ADGRB3: variants seen among roughly 807,000 people sequenced by gnomAD.
ADGRB3 encodes the protein brain-specific angiogenesis inhibitor 3.
ADGRB3 carries 37 observed loss-of-function variants against 193.4 expected under a neutral mutation model. The ratio of observed to expected loss-of-function variants is 0.19; its 90% CI spans 0.15 to 0.25. The LOEUF is 0.25. Among genes scored for constraint, ADGRB3 ranks in the 10% least tolerant of loss-of-function variants. The pLI is 1.00. For synonymous variants in ADGRB3, 690 were observed against 644.2 expected (o/e 1.07, Z -1.08); for missense variants, 1,637 against 1,852.9 (o/e 0.88, Z 2.14).
Position 68,640,925 on chromosome 6 carries a change from G to A in ADGRB3, c.757+1493G>A, listed in dbSNP as rs1327223846. On this transcript the variant is annotated intron_variant, in intron 3 of 31. Transcript: ENST00000370598. ...AGGTCAGTGTTTCACTATCAGCTGTGACTGAAGAAAACAAAGTGGTTTTAA... is the reference window on the plus strand; with the variant it reads ...AGGTCAGTGTTTCACTATCAGCTGTAACTGAAGAAAACAAAGTGGTTTTAA... 2.6e-5 allele frequency among the ~76,000 whole-genome samples: 4 copies of A among 152,194 alleles called. No homozygotes were observed. The East Asian group carries it at 7.7e-4, about 29-fold the overall frequency.
At chr6:68,872,513 A>C (rs1765488642) in intron 3 of ADGRB3, among the ~76,000 whole-genome samples, 1 of 152,146 alleles carries the variant, frequency 6.6e-6, no homozygotes, top group East Asian at 1.9e-4. Flanking sequence ...TAATTTTTAA[A>C]ATGTTTCATC....
At chr6:68,913,803 T>C (rs927403225) in intron 3 of ADGRB3, among the ~76,000 whole-genome samples, 5 of 152,032 alleles carry the variant, frequency 3.3e-5, no homozygotes, top group African/African-American at 1.2e-4. Flanking sequence ...GAAAAAAAAT[T>C]AGGTGAATGT....
chr6:69,379,870 C>T (rs1769909140), intron 30 of ADGRB3, among the ~76,000 whole-genome samples: 1 of 151,990 alleles, frequency 6.6e-6, no homozygotes, highest in African/African-American at 2.4e-5. Context: ...CCCCATATTT[C>T]AGCATACAAA....
intron 3 of ADGRB3, among the ~76,000 whole-genome samples, chr6:68,664,530 C>T (rs1013238935): frequency 4.0e-5 from 6 of 151,836 alleles, no homozygotes; most frequent in African/African-American, 1.2e-4. Flanking sequence ...CTCACCAGAA[C>T]CTGACTATGC....
At chr6:69,109,495 AG>A (rs1773307587) in intron 17 of ADGRB3, among the ~76,000 whole-genome samples, 1 of 152,234 alleles carries the variant, frequency 6.6e-6, no homozygotes, top group African/African-American at 2.4e-5. Flanking sequence ...ACTGATTACT[AG>A]AAAACATGCC....
chr6:69,097,733 T>C (rs1003750031), intron 17 of ADGRB3, among the ~76,000 whole-genome samples: 9 of 152,064 alleles, frequency 5.9e-5, no homozygotes, highest in African/African-American at 2.2e-4. Context: ...GCTATATGGC[T>C]GCTGCAGACA....
At chr6:68,807,680 A>G (rs909634008) in intron 3 of ADGRB3, among the ~76,000 whole-genome samples, 4 of 152,282 alleles carry the variant, frequency 2.6e-5, no homozygotes, top group African/African-American at 7.2e-5. Flanking sequence ...TAGCTTACAG[A>G]TATACTTATT....
At chr6:69,077,572 G>GA (rs1772268561) in intron 17 of ADGRB3, among the ~76,000 whole-genome samples, 1 of 151,826 alleles carries the variant, frequency 6.6e-6, no homozygotes, top group African/African-American at 2.4e-5. Flanking sequence ...TCCTTATTTT[G>GA]TGCCTCCTGT....
intron 3 of ADGRB3, among the ~76,000 whole-genome samples, chr6:68,755,263 T>A (rs1434370116): frequency 6.6e-6 from 1 of 152,114 alleles, no homozygotes; most frequent in African/African-American, 2.4e-5. Context: ...GCTAGGCAAG[T>A]AAAACAGCAA....
intron 8 of ADGRB3, among the ~76,000 whole-genome samples, chr6:68,960,384 A>G (rs891356024): frequency 6.6e-6 from 1 of 152,164 alleles, no homozygotes; most frequent in Non-Finnish European, 1.5e-5. Flanking sequence ...ATGTTTATCT[A>G]TAAATATTCA....
chr6:68,983,974 T>A (rs1769000934), intron 10 of ADGRB3, among the ~76,000 whole-genome samples: 1 of 152,144 alleles, frequency 6.6e-6, no homozygotes, highest in Admixed American at 6.5e-5. Context: ...GACAGCACAT[T>A]CCATGTAGCG....
chr6:69,228,443 T>A (rs1448975850), intron 17 of ADGRB3, among the ~76,000 whole-genome samples: 3 of 152,186 alleles, frequency 2.0e-5, no homozygotes, highest in African/African-American at 7.2e-5. Flanking sequence ...ACTAATATTA[T>A]GATGTTGAAT....
intron 1 of ADGRB3, among the ~76,000 whole-genome samples, 193 bp from the exon 2 acceptor site, chr6:68,637,198 G>A (rs1439564714): frequency 3.9e-5 from 6 of 152,144 alleles, no homozygotes; most frequent in Non-Finnish European, 7.4e-5. Flanking sequence ...TCAAGACATA[G>A]AATTTGAATT....
intron 3 of ADGRB3, among the ~76,000 whole-genome samples, chr6:68,847,012 C>T (rs1768290649): frequency 6.6e-6 from 1 of 152,184 alleles, no homozygotes. Context: ...TGGGAACCCA[C>T]CTCTTGCATC....
chr6:69,323,019 C>A (rs1176403188), intron 20 of ADGRB3, among the ~76,000 whole-genome samples: 1 of 151,820 alleles, frequency 6.6e-6, no homozygotes, highest in African/African-American at 2.4e-5. Flanking sequence ...AAAGTGAATA[C>A]CAGGGAGATG....
chr6:69,325,245 G>A (rs1768542335), intron 21 of ADGRB3, among the ~76,000 whole-genome samples: 1 of 152,012 alleles, frequency 6.6e-6, no homozygotes, highest in African/African-American at 2.4e-5. Context: ...ACATTCAACA[G>A]TGTCTAGATA....
At chr6:68,891,589 T>A (rs1305283532) in intron 3 of ADGRB3, among the ~76,000 whole-genome samples, 1 of 152,200 alleles carries the variant, frequency 6.6e-6, no homozygotes, top group African/African-American at 2.4e-5. Context: ...AGGAGTCAGA[T>A]GACTTCAAGC....
intron 3 of ADGRB3, among the ~76,000 whole-genome samples, chr6:68,899,112 T>C (rs1355400880): frequency 6.6e-6 from 1 of 152,130 alleles, no homozygotes; most frequent in Non-Finnish European, 1.5e-5. Context: ...TAGAGGAAAC[T>C]GCTTGTAGGT....
intron 3 of ADGRB3, among the ~76,000 whole-genome samples, chr6:68,844,536 T>C (rs1036477367): frequency 2.0e-5 from 3 of 152,162 alleles, no homozygotes; most frequent in Non-Finnish European, 4.4e-5. Context: ...CATCCTGAAC[T>C]GTTGGTGGGA....
Sources: allele counts gnomAD v4.1 joint callset (sites outside exome capture counted in the v4.1 genomes callset), GRCh38; gene constraint gnomAD v4.1.1; transcripts MANE v1.5; gene names NCBI Gene and HGNC (gene_info 2026-07-23, HGNC 2026-07-21).